The following HDAC4 variants were observed in gnomAD, a reference collection of about 807,000 sequenced individuals.
HDAC4 encodes the protein histone deacetylase 4, also known as histone deacetylase A.
Under a neutral mutation model 135.1 loss-of-function variants are expected in HDAC4, and 16 were observed. That is an observed-to-expected ratio of 0.12 (90% CI 0.08 to 0.18). HDAC4 has a LOEUF of 0.18. HDAC4 is among the 10% of genes least tolerant of loss of function. The pLI, the probability that HDAC4 is intolerant of heterozygous loss-of-function variation, is 1.00. For synonymous variants in HDAC4, 685 were observed against 653.4 expected, an observed-to-expected ratio of 1.05 and a Z score of -0.74; for missense variants, 1,143 against 1,511.8, an observed-to-expected ratio of 0.76 and a Z score of 4.05.
chr2:239,051,361 G>A lies in HDAC4; in HGVS notation c.*1736C>T, dbSNP rs1461105981. The A allele has an allele frequency of 1.3e-5, 2 of 152,118 alleles. No homozygotes were observed. Among genetic ancestry groups the A allele is most frequent in the South Asian group, 4.1e-4 (2 of 4,828 alleles). 9.4% of individuals were successfully genotyped at this position (152,118 alleles called of 1,614,324 possible). A position where few individuals can be genotyped will look rare whatever the true frequency, so the allele number is the denominator to read the frequency against. ...GAATCTGACAGCAACAATTCTGTAC[G>A]CTGCAGAAAACTCATCGTACAAAAA... On this transcript the variant is annotated 3_prime_UTR_variant, in exon 27 of 27. Transcript: ENST00000543185.
chr2:239,375,957 T>C (rs1311061046), intron 1 of HDAC4, among the ~76,000 whole-genome samples: 1 of 152,222 alleles, frequency 6.6e-6, no homozygotes, highest in Non-Finnish European at 1.5e-5. Context: ...TCATGTCCTG[T>C]CCACAGCCTG....
chr2:239,396,143 T>C (rs981894700), intron 1 of HDAC4, among the ~76,000 whole-genome samples: 2 of 151,520 alleles, frequency 1.3e-5, no homozygotes, highest in African/African-American at 4.8e-5. Context: ...TGCCTGATTT[T>C]TTTTTTTTTT....
chr2:239,356,054 A>T (rs1438829165), intron 1 of HDAC4, among the ~76,000 whole-genome samples: 2 of 152,246 alleles, frequency 1.3e-5, no homozygotes, highest in East Asian at 3.8e-4. Context: ...CTTAGAAAAA[A>T]GAAAAGTTGC....
intron 12 of HDAC4, among the ~76,000 whole-genome samples, chr2:239,122,371 C>T (rs74797684): frequency 2.6e-3 from 395 of 152,266 alleles, no homozygotes; most frequent in Admixed American, 3.9e-3. Flanking sequence ...CACACATCAC[C>T]CACTGCTCGC....
intron 12 of HDAC4, among the ~76,000 whole-genome samples, chr2:239,117,290 G>A (rs1467434652): frequency 2.6e-5 from 4 of 152,186 alleles, no homozygotes; most frequent in African/African-American, 9.7e-5. Context: ...AGCATGCCCT[G>A]CTGCAGACAG....
chr2:239,354,758 T>G (rs543584099), intron 1 of HDAC4, among the ~76,000 whole-genome samples: 1 of 152,122 alleles, frequency 6.6e-6, no homozygotes, highest in South Asian at 2.1e-4. Flanking sequence ...TCCTTAGGAA[T>G]GACAATGACT....
intron 3 of HDAC4, among the ~76,000 whole-genome samples, chr2:239,204,801 A>G (rs567303362): frequency 1.7e-4 from 26 of 152,162 alleles, no homozygotes; most frequent in Non-Finnish European, 3.2e-4. Flanking sequence ...TGGAGCTCCT[A>G]TCAGGGCAGG....
chr2:239,258,974 G>T (rs1280572538), intron 2 of HDAC4, among the ~76,000 whole-genome samples: 1 of 152,200 alleles, frequency 6.6e-6, no homozygotes, highest in Non-Finnish European at 1.5e-5. Context: ...GAAAACAGTT[G>T]GAAAAATATG....
intron 7 of HDAC4, among the ~76,000 whole-genome samples, chr2:239,155,852 G>C (rs2042392431): frequency 1.3e-5 from 2 of 152,192 alleles, no homozygotes; most frequent in African/African-American, 4.8e-5. Flanking sequence ...TCTGGGATGA[G>C]GCACTGCCCG....
intron 16 of HDAC4, among the ~76,000 whole-genome samples, chr2:239,099,057 AC>A (rs1271640061): frequency 6.6e-6 from 1 of 152,246 alleles, no homozygotes; most frequent in Non-Finnish European, 1.5e-5. Context: ...CAATAAAGAA[AC>A]CAAAAACAAG....
intron 2 of HDAC4, among the ~76,000 whole-genome samples, chr2:239,278,576 G>A (rs1000895348): frequency 3.3e-5 from 5 of 152,134 alleles, no homozygotes; most frequent in African/African-American, 7.2e-5. Flanking sequence ...TCAGAAGGCC[G>A]CAGCAGGATC....
In HDAC4 at chr2:239,176,532, T is replaced by C. The variant is rs1157607258; in HGVS notation, c.371A>G (p.Gln124Arg). The C allele has an allele frequency of 2.5e-6, 4 of 1,613,364 alleles. No individual in the cohort carries two copies. The highest frequency in any genetic ancestry group is 1.1e-5 in the South Asian group (1 of 91,076). Reference sequence around the variant, plus strand: ...CCGCTGGTGTTCCAGCAGCTCCTGCTGGTGCTTCATGGCCAGCATCTCCTG... The same window carrying C: ...CCGCTGGTGTTCCAGCAGCTCCTGCCGGTGCTTCATGGCCAGCATCTCCTG... Reference protein sequence around the residue: ...QQQEMLAMKHQQELLEHQRKL... With the variant: ...QQQEMLAMKHRQELLEHQRKL... Residue 124 changes from glutamine to arginine, a missense_variant, in exon 5 of 27, where the codon CAG becomes CGG. Physicochemically the swap from Gln to Arg is conservative, Grantham distance 43. Transcript: ENST00000543185.
At position 239,068,813 on chromosome 2, in the gene HDAC4, T is replaced by C. The variant is rs567056708; in HGVS notation, c.2751-206A>G. 1.5e-4 allele frequency: 96 copies of C among 628,760 alleles called. 3 individuals are homozygous for C. The Middle Eastern group carries it at 4.9e-3, about 32-fold the overall frequency. 38.9% of individuals were successfully genotyped at this position (628,760 alleles called of 1,614,324 possible). A position where few individuals can be genotyped will look rare whatever the true frequency, so the allele number is the denominator to read the frequency against. ...AACCCACGTGTGATCCAGGCTCATT[T>C]CACATCTTCACAGTGCAAGCCAGCA... On this transcript the variant is annotated intron_variant, in intron 22 of 26. Coordinates refer to ENST00000543185, the MANE Select transcript of HDAC4 (RefSeq NM_001378414.1). This position sits in a 1 kb window ranked among gnomAD's most constrained non-coding sequence, Gnocchi z 4.4.
chr2:239,312,128 C>A lies in HDAC4; in HGVS notation c.22+40550G>T, dbSNP rs535787168. Among the ~76,000 whole-genome samples, 4 of 152,338 alleles carry A rather than the reference C, an allele frequency of 2.6e-5. No homozygotes were observed. The East Asian group carries it at 5.8e-4, about 22-fold the overall frequency. On this transcript the variant is annotated intron_variant, in intron 2 of 26. Transcript: ENST00000543185. ...ACATCACTGTCACCATCACAAAACA[C>A]TGGCCACCAAGGTGCCACCTACCAC...
At chr2:239,128,880 C>G (rs2040378638) in intron 11 of HDAC4, among the ~76,000 whole-genome samples, 1 of 152,196 alleles carries the variant, frequency 6.6e-6, no homozygotes. Context: ...CGGTAAGGAA[C>G]AAGCGACTCG....
intron 7 of HDAC4, among the ~76,000 whole-genome samples, chr2:239,147,090 C>G (rs763525501): frequency 3.9e-5 from 6 of 152,230 alleles, no homozygotes; most frequent in Non-Finnish European, 8.8e-5. Flanking sequence ...CAGAACCTAT[C>G]AGACAAGCAG....
chr2:239,198,712 C>T (rs1400161385), intron 3 of HDAC4, among the ~76,000 whole-genome samples: 1 of 152,200 alleles, frequency 6.6e-6, no homozygotes, highest in African/African-American at 2.4e-5. Context: ...GCCAGGCTCT[C>T]ATTCGTGTCG....
At chr2:239,189,236 C>A (rs2044742936) in intron 4 of HDAC4, among the ~76,000 whole-genome samples, 3 of 152,184 alleles carry the variant, frequency 2.0e-5, no homozygotes, top group Non-Finnish European at 2.9e-5. Flanking sequence ...TCACAGATAT[C>A]ATAACTAGCC....
At chr2:239,326,628 G>A (rs1260678308) in intron 2 of HDAC4, among the ~76,000 whole-genome samples, 1 of 152,126 alleles carries the variant, frequency 6.6e-6, no homozygotes, top group Non-Finnish European at 1.5e-5. Flanking sequence ...AAAGAAATAT[G>A]TTATTTATTA....
Sources: allele counts gnomAD v4.1 joint callset (sites outside exome capture counted in the v4.1 genomes callset), GRCh38; gene constraint gnomAD v4.1.1; non-coding constraint Gnocchi (gnomAD v3.1); transcripts MANE v1.5; gene names NCBI Gene and HGNC (gene_info 2026-07-23, HGNC 2026-07-21).